Variants in SPRR2G observed in about 807,000 individuals in gnomAD.
The protein encoded by SPRR2G is small proline rich protein 2G.
SPRR2G carries 1 observed loss-of-function variant against 0.7 expected under a neutral mutation model. The observed-to-expected ratio is 1.49, with a 90% CI of 0.53 to 7.06. The LOEUF is 7.06. Among genes scored for constraint, SPRR2G ranks in the 30% most tolerant of loss-of-function variants. The pLI is 0.14. For missense variants in SPRR2G, 96 were observed against 88.5 expected (o/e 1.09, Z -0.34); for synonymous variants, 38 against 33.9 (o/e 1.12, Z -0.42).
the SPRR2G span, among the ~76,000 whole-genome samples, chr1:153,195,833 G>A: frequency 4.0e-5 from 6 of 151,538 alleles, no homozygotes; most frequent in East Asian, 1.9e-4. Context: ...TCCTTCCCTC[G>A]TGCTCCCACC....
chr1:153,188,713 C>G, the SPRR2G span, among the ~76,000 whole-genome samples: 157 of 152,240 alleles, frequency 1.0e-3, 4 homozygotes, highest in South Asian at 0.016. Context: ...CCAGGCACCA[C>G]TGGTGTATGA....
the SPRR2G span, among the ~76,000 whole-genome samples, chr1:153,170,853 C>T: frequency 6.6e-6 from 1 of 152,126 alleles, no homozygotes; most frequent in African/African-American, 2.4e-5. Context: ...GGCCAGGACC[C>T]CACAAATCCA....
the SPRR2G span, among the ~76,000 whole-genome samples, chr1:153,183,507 T>C: frequency 6.6e-6 from 1 of 152,164 alleles, no homozygotes; most frequent in African/African-American, 2.4e-5. Flanking sequence ...GTTGGCCACA[T>C]ATATGTCTTC....
Position 153,150,075 on chromosome 1 carries a change from G to A in SPRR2G, c.36C>T (p.Cys12=). The change falls in exon 2 of 2, where the codon TGC becomes TGT. Residue 12 remains cysteine, a synonymous_variant. Transcript: ENST00000368748. The stretch of plus-strand genomic sequence containing the variant: ...GCGTGGGGCACACAGGAGGTGGCTG[G>A]CAGGGCTGCTTGCACTGCTGCTGCT... The part of the protein sequence containing the change: ...SYQQQQCKQP[C]QPPPVCPTPK... The A allele has an allele frequency of 3.7e-6, 6 of 1,612,958 alleles. No individual in the cohort carries two copies. The highest frequency in any genetic ancestry group is 5.1e-6 in the Non-Finnish European group (6 of 1,179,858).
the SPRR2G span, among the ~76,000 whole-genome samples, chr1:153,175,822 C>A: frequency 2.1e-3 from 318 of 152,212 alleles, 1 homozygote; most frequent in African/African-American, 7.2e-3. Flanking sequence ...TGGTGGCTCA[C>A]GCCTGTAATC....
chr1:153,183,351 T>C, the SPRR2G span, among the ~76,000 whole-genome samples: 1 of 151,926 alleles, frequency 6.6e-6, no homozygotes, highest in East Asian at 1.9e-4. Flanking sequence ...CCTCCCAAAG[T>C]GCTGGGATTA....
the SPRR2G span, among the ~76,000 whole-genome samples, chr1:153,184,148 A>G: frequency 6.6e-6 from 1 of 152,210 alleles, no homozygotes; most frequent in Non-Finnish European, 1.5e-5. Context: ...GAAGTCAGGT[A>G]GCATGATGCC....
chr1:153,176,060 A>C, the SPRR2G span: 1 of 152,154 alleles, frequency 6.6e-6, no homozygotes, highest in Non-Finnish European at 1.5e-5. Flanking sequence ...CCATCTCAAA[A>C]AAAAAAATGT....
At chr1:153,182,326 AT>A in the SPRR2G span, among the ~76,000 whole-genome samples, 257 of 150,740 alleles carry the variant, frequency 1.7e-3, 2 homozygotes, top group African/African-American at 6.0e-3. Context: ...TATTTTAAGA[AT>A]TTTTTTATTA....
chr1:153,170,042 T>C, the SPRR2G span, among the ~76,000 whole-genome samples: 6 of 152,216 alleles, frequency 3.9e-5, no homozygotes, highest in African/African-American at 7.2e-5. Context: ...TATTTAGACA[T>C]GATTTTAAGT....
chr1:153,182,376 T>TA, the SPRR2G span, among the ~76,000 whole-genome samples: 22,660 of 151,986 alleles, frequency 0.15, 3,013 homozygotes, highest in African/African-American at 0.36. Flanking sequence ...GTCATGACTT[T>TA]TTTTTTTTAT....
chr1:153,160,336 T>C, the SPRR2G span, among the ~76,000 whole-genome samples: 1 of 152,240 alleles, frequency 6.6e-6, no homozygotes. Flanking sequence ...TGTTTCCATA[T>C]CTTGGGTATT....
chr1:153,170,094 T>G, the SPRR2G span, among the ~76,000 whole-genome samples: 1 of 152,234 alleles, frequency 6.6e-6, no homozygotes, highest in African/African-American at 2.4e-5. Flanking sequence ...TAAACAGCAT[T>G]GAAATGCTTA....
the SPRR2G span, among the ~76,000 whole-genome samples, chr1:153,201,433 T>C: frequency 2.0e-5 from 3 of 152,218 alleles, no homozygotes; most frequent in Non-Finnish European, 4.4e-5. Context: ...ATTTTTTACA[T>C]TGCTGTCACA....
At chr1:153,185,527 A>G in the SPRR2G span, among the ~76,000 whole-genome samples, 17 of 151,830 alleles carry the variant, frequency 1.1e-4, no homozygotes, top group African/African-American at 4.1e-4. Context: ...GTGTTCTCTG[A>G]TGGTAGTTTG....
At chr1:153,186,331 A>G in the SPRR2G span, among the ~76,000 whole-genome samples, 2 of 152,258 alleles carry the variant, frequency 1.3e-5, no homozygotes, top group South Asian at 4.2e-4. Flanking sequence ...GTCTCCCACT[A>G]TTATTGTGTG....
At chr1:153,158,633 G>T in the SPRR2G span, among the ~76,000 whole-genome samples, 1 of 152,196 alleles carries the variant, frequency 6.6e-6, no homozygotes, top group Non-Finnish European at 1.5e-5. Context: ...AGCTCCACTA[G>T]GCAGTGCCCC....
chr1:153,165,897 C>A, the SPRR2G span, among the ~76,000 whole-genome samples: 2,597 of 152,228 alleles, frequency 0.017, 70 homozygotes, highest in African/African-American at 0.06. Context: ...GGCTTCATGG[C>A]CCCACCAATA....
intron 1 of SPRR2G, 73 bp downstream of exon 1, chr1:153,150,779 C>A (rs1656450478): frequency 6.4e-6 from 1 of 155,206 alleles, no homozygotes; most frequent in Non-Finnish European, 1.4e-5. Flanking sequence ...TTAAAATAAA[C>A]AGGCATTTCT....
Sources: gnomAD v4.1 joint callset for allele counts (sites outside exome capture counted in the v4.1 genomes callset) on GRCh38, gnomAD v4.1.1 for gene constraint, MANE v1.5 for transcripts, NCBI Gene and HGNC (gene_info 2026-07-23, HGNC 2026-07-21) for gene names.